The following RFX2 variants were observed in gnomAD, a reference collection of about 807,000 sequenced individuals.
The protein encoded by RFX2 is regulatory factor X2.
In RFX2, 20 loss-of-function variants were observed where a neutral mutation model predicts 87.8. The observed-to-expected ratio is 0.23, with a 90% CI of 0.16 to 0.33. The LOEUF is 0.33. Ranked by LOEUF, RFX2 falls within the 10% of genes least tolerant of loss-of-function variation. RFX2 has a pLI of 1.00. For synonymous variants in RFX2, 397 were observed against 431.3 expected (o/e 0.92, Z 0.98); for missense variants, 767 against 1,012.3 (o/e 0.76, Z 3.29).
At chr19:6,106,712 T>C (rs1185431232) in intron 1 of RFX2, among the ~76,000 whole-genome samples, 1 of 151,988 alleles carries the variant, frequency 6.6e-6, no homozygotes, top group African/African-American at 2.4e-5. Context: ...TTCAAAAGTT[T>C]CCTATTTTAC....
chr19:6,102,259 CTG>C (rs1490136508), intron 1 of RFX2, among the ~76,000 whole-genome samples: 1 of 152,216 alleles, frequency 6.6e-6, no homozygotes, highest in Non-Finnish European at 1.5e-5. Context: ...TGTCTGCCCT[CTG>C]TGCCCTGTAG....
chr19:6,079,683 C>G (rs560119201), intron 1 of RFX2, among the ~76,000 whole-genome samples: 1 of 152,062 alleles, frequency 6.6e-6, no homozygotes, highest in East Asian at 1.9e-4. Context: ...GTCAGGAGAT[C>G]GAGACCATCC....
rs2144696711 is a variant in RFX2 at position 6,011,060 on chromosome 19, G to A, written c.900-809C>T. Among the ~76,000 whole-genome samples the A allele has an allele frequency of 6.6e-6, 1 of 152,168 alleles. No individual in the cohort carries two copies. Among genetic ancestry groups the A allele is most frequent in the South Asian group, 2.1e-4 (1 of 4,824 alleles). On this transcript the variant is annotated intron_variant, in intron 8 of 17. Transcript: ENST00000303657. The surrounding 1 kb of genome is among the most constrained non-coding windows in gnomAD (Gnocchi z 4.8). ...GAACCTGGGAGGCAGAGGTTGCAGT[G>A]AGCCGAGTTCACGCCATTGCACTCC...
intron 1 of RFX2, among the ~76,000 whole-genome samples, chr19:6,109,009 A>AGTGAGTGTGTGTGT (rs1381497035): frequency 3.4e-4 from 51 of 151,666 alleles, no homozygotes; most frequent in Admixed American, 2.8e-3. Context: ...TTGGGGTGTG[A>AGTGAGTGTGTGTGT]GTGAGTGTGT....
At chr19:6,091,150 G>A (rs2087928887) in intron 1 of RFX2, among the ~76,000 whole-genome samples, 1 of 152,148 alleles carries the variant, frequency 6.6e-6, no homozygotes, top group South Asian at 2.1e-4. Context: ...ACAACACTGT[G>A]AAAATCCTAA....
intron 1 of RFX2, among the ~76,000 whole-genome samples, chr19:6,099,498 C>T (rs2088082672): frequency 6.6e-6 from 1 of 151,458 alleles, no homozygotes; most frequent in Non-Finnish European, 1.5e-5. Context: ...TATTGGATCT[C>T]AGGCACGGGC....
intron 1 of RFX2, among the ~76,000 whole-genome samples, chr19:6,075,296 A>AG (rs1414813460): frequency 1.3e-5 from 2 of 152,094 alleles, no homozygotes; most frequent in African/African-American, 4.8e-5. Flanking sequence ...GAGGAGGAGG[A>AG]GAAGATGGAC....
rs1224102159 is a variant in RFX2 at position 6,016,848 on chromosome 19, T to C, written c.598-577A>G. Among the ~76,000 whole-genome samples, 2 of 152,256 alleles carry C rather than the reference T, an allele frequency of 1.3e-5. No individual in the cohort carries two copies. Among genetic ancestry groups the C allele is most frequent in the African/African-American group, 4.8e-5 (2 of 41,466 alleles). Reference sequence around the variant, plus strand: ...GGTGTGATCAGGAACTATTAGCTTCTGTCTTCAGTCCCTTAAATGAAATAC... The same window carrying C: ...GGTGTGATCAGGAACTATTAGCTTCCGTCTTCAGTCCCTTAAATGAAATAC... On this transcript the variant is annotated intron_variant, in intron 6 of 17. Transcript: ENST00000303657. This position sits in a 1 kb window ranked among gnomAD's most constrained non-coding sequence, Gnocchi z 5.4.
chr19:6,003,300 A>T (rs2086520334), intron 13 of RFX2, among the ~76,000 whole-genome samples: 1 of 152,014 alleles, frequency 6.6e-6, no homozygotes, highest in African/African-American at 2.4e-5. Flanking sequence ...CGTGGCATCA[A>T]ATGATCCTCC....
rs2086541138 is a variant in RFX2 at position 6,004,160 on chromosome 19, C to T, written c.1500+41G>A. The T allele has an allele frequency of 2.7e-6, 4 of 1,483,032 alleles. No individual in the cohort carries two copies. The highest frequency in any genetic ancestry group is 3.8e-6 in the Non-Finnish European group (4 of 1,060,678). The allele number at this position is 1,483,032 out of a possible 1,614,324, so 91.9% of individuals were successfully genotyped here. A position where few individuals can be genotyped will look rare whatever the true frequency, so the allele number is the denominator to read the frequency against. On this transcript the variant is annotated intron_variant, in intron 13 of 17. Transcript: ENST00000303657. The surrounding 1 kb of genome is among the most constrained non-coding windows in gnomAD (Gnocchi z 4.8). ...ATGCTGTCCTGGACTGGAGCCCCTCCCAGCCATCGTTGGGGAGCCCAGGCC... is the reference window on the plus strand; with the variant it reads ...ATGCTGTCCTGGACTGGAGCCCCTCTCAGCCATCGTTGGGGAGCCCAGGCC...
intron 1 of RFX2, among the ~76,000 whole-genome samples, chr19:6,070,780 C>T (rs2087596292): frequency 6.6e-6 from 1 of 152,220 alleles, no homozygotes; most frequent in Non-Finnish European, 1.5e-5. Context: ...TAGCTCACTG[C>T]AGCCTCAAAC....
chr19:5,993,898 A>T lies in RFX2; in HGVS notation c.*937T>A, dbSNP rs2086368040. ...AGACTCCGTGGAGCGGGACGCAGGC[A>T]CTGCTGTTTGGACGACACGCGGGAT... is the stretch of plus-strand genomic sequence containing the variant. On this transcript the variant is annotated 3_prime_UTR_variant, in exon 18 of 18. Transcript: ENST00000303657. 6.6e-6 allele frequency: 1 copy of T among 152,290 alleles called. No homozygotes were observed. The highest frequency in any genetic ancestry group is 1.5e-5 in the Non-Finnish European group (1 of 68,086). 9.4% of individuals were successfully genotyped at this position (152,290 alleles called of 1,614,324 possible).
chr19:6,026,274 AT>A lies in RFX2; in HGVS notation c.523-38del. The A allele has an allele frequency of 6.5e-7, 1 of 1,534,316 alleles. No individual in the cohort carries two copies. The highest frequency in any genetic ancestry group is 8.9e-7 in the Non-Finnish European group (1 of 1,118,628). ...GTGTGCAGAAACAAAACAAAACAAA[AT>A]GGAAAAAAAAAAAAAGGAAATCAGA... On this transcript the variant is annotated intron_variant, in intron 5 of 17. Coordinates refer to ENST00000303657, the MANE Select transcript of RFX2 (RefSeq NM_000635.4). This position sits in a 1 kb window ranked among gnomAD's most constrained non-coding sequence, Gnocchi z 4.5.
Position 6,064,918 on chromosome 19 carries a change from T to C in RFX2, c.-8-17414A>G, listed in dbSNP as rs2087488623. ...AAAACCACAGCATGGAGAGGCCCCT[T>C]TAAAAACCACCTAACCCAGCTCTTT... On this transcript the variant is annotated intron_variant, in intron 1 of 17. Transcript: ENST00000303657. The surrounding 1 kb of genome is among the most constrained non-coding windows in gnomAD (Gnocchi z 4.8). 6.6e-6 allele frequency among the ~76,000 whole-genome samples: 1 copy of C among 152,176 alleles called. No homozygotes were observed. Among genetic ancestry groups the C allele is most frequent in the Non-Finnish European group, 1.5e-5 (1 of 68,026 alleles).
chr19:6,066,491 C>T (rs751686015), intron 1 of RFX2, among the ~76,000 whole-genome samples: 17 of 152,176 alleles, frequency 1.1e-4, no homozygotes, highest in Non-Finnish European at 2.2e-4. Flanking sequence ...TAATGATTTT[C>T]TGAACACCAG....
In RFX2 at chr19:5,999,903, C is replaced by T. The variant is rs915448236; in HGVS notation, c.1859+1912G>A. On this transcript the variant is annotated intron_variant, in intron 15 of 17. Coordinates refer to ENST00000303657, the MANE Select transcript of RFX2 (RefSeq NM_000635.4). This position sits in a 1 kb window ranked among gnomAD's most constrained non-coding sequence, Gnocchi z 4.1. ...GGCAGGTGCAAAGGCCCTGAGGCAG[C>T]GTGGCCAGGGGAGTGTGTAAGGAGA... 2.0e-5 allele frequency among the ~76,000 whole-genome samples: 3 copies of T among 151,422 alleles called. No homozygotes were observed. Among genetic ancestry groups the T allele is most frequent in the South Asian group, 2.1e-4 (1 of 4,786 alleles).
rs555198744 is a variant in RFX2, at chr19:6,024,919, G to A, written c.597+1244C>T. 6.1e-5 allele frequency among the ~76,000 whole-genome samples: 9 copies of A among 147,018 alleles called. No individual in the cohort carries two copies. Among genetic ancestry groups the A allele is most frequent in the South Asian group, 4.4e-4 (2 of 4,558 alleles). On this transcript the variant is annotated intron_variant, in intron 6 of 17. Coordinates refer to ENST00000303657, the MANE Select transcript of RFX2 (RefSeq NM_000635.4). The surrounding 1 kb of genome is among the most constrained non-coding windows in gnomAD (Gnocchi z 5.0). ...AGGACGGGAGTCAGGACGGGATCAC[G>A]GTGAGGACGGGAGTCAGGACGGGAT... is the stretch of plus-strand genomic sequence containing the variant.
rs2086446122 is a variant in RFX2, at chr19:5,998,375, G to A, written c.1860-1162C>T. 6.6e-6 allele frequency among the ~76,000 whole-genome samples: 1 copy of A among 152,158 alleles called. No individual in the cohort carries two copies. The highest frequency in any genetic ancestry group is 1.5e-5 in the Non-Finnish European group (1 of 68,038). ...AAGACCTAAAGGACTTATATACAGT[G>A]GCACCTGATTAAAAACTTTGGCCTA... On this transcript the variant is annotated intron_variant, in intron 15 of 17. Transcript: ENST00000303657. This position sits in a 1 kb window ranked among gnomAD's most constrained non-coding sequence, Gnocchi z 4.2.
chr19:6,072,815 T>C, intron 1 of RFX2: 1 of 1,184,830 alleles, frequency 8.4e-7, no homozygotes, highest in South Asian at 1.2e-5. Flanking sequence ...TGTCTCCTCC[T>C]CAGCATCATG....
Sources: allele counts gnomAD v4.1 joint callset (sites outside exome capture counted in the v4.1 genomes callset), GRCh38; gene constraint gnomAD v4.1.1; non-coding constraint Gnocchi (gnomAD v3.1); transcripts MANE v1.5; gene names NCBI Gene and HGNC (gene_info 2026-07-23, HGNC 2026-07-21).